Variants in CLSTN2 observed in about 807,000 individuals in gnomAD.
CLSTN2 encodes calsyntenin 2, also known as calsyntenin-2.
A neutral mutation model predicts 101.2 loss-of-function variants in CLSTN2; 48 were observed. That is an observed-to-expected ratio of 0.47 (90% confidence interval 0.38 to 0.60). The LOEUF (loss-of-function observed/expected upper bound fraction) is 0.60, where lower values mean the gene tolerates loss of function less well. Ranked by LOEUF, CLSTN2 falls within the 20% of genes least tolerant of loss-of-function variation. CLSTN2 has a pLI of 0.00. For missense variants in CLSTN2, 1,160 were observed against 1,238.2 expected, an observed-to-expected ratio of 0.94 and a Z score of 0.95; for synonymous variants, 481 against 463.6, an observed-to-expected ratio of 1.04 and a Z score of -0.48.
At chr3:139,987,260 A>G (rs993169520) in intron 1 of CLSTN2, among the ~76,000 whole-genome samples, 5 of 152,220 alleles carry the variant, frequency 3.3e-5, no homozygotes, top group Non-Finnish European at 5.9e-5. Context: ...CTTTTGCAGT[A>G]TGTGTCAAAT....
rs1046639367 is a variant in CLSTN2 at position 140,568,158 on chromosome 3, T to C, written c.*1905T>C. The C allele has an allele frequency of 9.8e-4, 149 of 152,374 alleles. No individual in the cohort carries two copies. The highest frequency in any genetic ancestry group is 3.6e-3 in the African/African-American group (148 of 41,584). The allele number at this position is 152,374 out of a possible 1,614,324, so 9.4% of individuals were successfully genotyped here. On this transcript the variant is annotated 3_prime_UTR_variant, in exon 17 of 17. Transcript: ENST00000458420. ...CTCCTGGTGCAGGATTCTACTTATG[T>C]TCATAGGTATGCACCTAACAGACAC...
At chr3:139,940,536 AT>A (rs5852958) in intron 1 of CLSTN2, among the ~76,000 whole-genome samples, 119,373 of 151,168 alleles carry the variant, frequency 0.79, 48,618 homozygotes, top group Non-Finnish European at 0.88. Flanking sequence ...GATTTGGTGA[AT>A]TTTTTTTTTT....
chr3:140,304,241 G>A (rs1462125266), intron 2 of CLSTN2, among the ~76,000 whole-genome samples: 1 of 152,104 alleles, frequency 6.6e-6, no homozygotes, highest in Admixed American at 6.6e-5. Flanking sequence ...TAAAATGCTG[G>A]GTTCAGTTAC....
chr3:140,318,717 T>C (rs995221101), intron 2 of CLSTN2, among the ~76,000 whole-genome samples: 2 of 152,196 alleles, frequency 1.3e-5, no homozygotes, highest in Admixed American at 1.3e-4. Flanking sequence ...AGGGTCCTTA[T>C]TGGAGCCACC....
chr3:139,989,513 G>A (rs1299115375), intron 1 of CLSTN2, among the ~76,000 whole-genome samples: 2 of 152,120 alleles, frequency 1.3e-5, no homozygotes, highest in African/African-American at 4.8e-5. Flanking sequence ...CCATCCTTCT[G>A]GGTGTTGCAG....
At chr3:140,533,492 G>A (rs1212181221) in intron 9 of CLSTN2, among the ~76,000 whole-genome samples, 7 of 152,012 alleles carry the variant, frequency 4.6e-5, no homozygotes, top group Admixed American at 3.3e-4. Context: ...GGCAGATCAC[G>A]AGGTCAGGAG....
chr3:140,095,546 C>T (rs1159688495), intron 1 of CLSTN2, among the ~76,000 whole-genome samples: 1 of 152,258 alleles, frequency 6.6e-6, no homozygotes, highest in Admixed American at 6.5e-5. Context: ...TACTCCACTT[C>T]TGATCACGTC....
intron 2 of CLSTN2, among the ~76,000 whole-genome samples, chr3:140,273,793 C>G (rs1010059149): frequency 6.6e-6 from 1 of 152,106 alleles, no homozygotes; most frequent in Non-Finnish European, 1.5e-5. Context: ...AAAGTTGAAT[C>G]CTAATAATTT....
chr3:140,165,462 A>G lies in CLSTN2; in HGVS notation c.110-10489A>G, dbSNP rs2107822318. On this transcript the variant is annotated intron_variant, in intron 1 of 16. Coordinates refer to ENST00000458420, the MANE Select transcript of CLSTN2 (RefSeq NM_022131.3). ...AAGGGGCCTCAGGGTTCTTCAGGAAATGGGAACAAGGAAAGATCCAATGGC... is the reference window on the plus strand; with the variant it reads ...AAGGGGCCTCAGGGTTCTTCAGGAAGTGGGAACAAGGAAAGATCCAATGGC... 1.3e-5 allele frequency among the ~76,000 whole-genome samples: 2 copies of G among 152,308 alleles called. 1 individual carries two copies. Among genetic ancestry groups the G allele is most frequent in the Middle Eastern group, 6.8e-3 (2 of 294 alleles).
chr3:140,029,652 C>T (rs1232786552), intron 1 of CLSTN2, among the ~76,000 whole-genome samples: 6 of 152,134 alleles, frequency 3.9e-5, no homozygotes, highest in Non-Finnish European at 7.3e-5. Flanking sequence ...AAGAAATGCA[C>T]AGAAACCAAA....
chr3:140,163,419 T>TAC (rs60464575), intron 1 of CLSTN2, among the ~76,000 whole-genome samples: 8,203 of 145,020 alleles, frequency 0.057, 245 homozygotes, highest in South Asian at 0.087. Context: ...TTTCTATCTC[T>TAC]ACACACACAC....
intron 2 of CLSTN2, among the ~76,000 whole-genome samples, chr3:140,365,059 A>C (rs2087770832): frequency 6.6e-6 from 1 of 152,194 alleles, no homozygotes; most frequent in African/African-American, 2.4e-5. Flanking sequence ...GAAGCAGGTG[A>C]TGTGCCAGCA....
At chr3:140,486,411 G>C (rs58645003) in intron 8 of CLSTN2, among the ~76,000 whole-genome samples, 9 of 152,144 alleles carry the variant, frequency 5.9e-5, no homozygotes, top group African/African-American at 2.2e-4. Flanking sequence ...TGTATTTAAG[G>C]GCAAAGGAAC....
chr3:140,027,367 A>C (rs568559545), intron 1 of CLSTN2, among the ~76,000 whole-genome samples: 72 of 152,318 alleles, frequency 4.7e-4, no homozygotes, highest in African/African-American at 1.7e-3. Context: ...ACACAGAGAC[A>C]CAAGGGAGAG....
intron 2 of CLSTN2, among the ~76,000 whole-genome samples, chr3:140,237,921 T>C (rs2107865050): frequency 6.6e-6 from 1 of 152,278 alleles, no homozygotes; most frequent in Non-Finnish European, 1.5e-5. Context: ...TAATTTGAAG[T>C]CATAATCTCA....
At chr3:140,123,836 GTA>G (rs1434154700) in intron 1 of CLSTN2, among the ~76,000 whole-genome samples, 1 of 84,528 alleles carries the variant, frequency 1.2e-5, no homozygotes, top group Non-Finnish European at 2.4e-5. Context: ...ATATATGTAT[GTA>G]TATGTGTGTG....
chr3:140,234,138 G>A (rs769435291), intron 2 of CLSTN2, among the ~76,000 whole-genome samples: 1 of 152,208 alleles, frequency 6.6e-6, no homozygotes, highest in African/African-American at 2.4e-5. Context: ...GGCATAACCC[G>A]AGAAAGGGTC....
intron 1 of CLSTN2, among the ~76,000 whole-genome samples, chr3:139,960,147 C>T (rs1458353099): frequency 1.3e-5 from 2 of 152,146 alleles, no homozygotes; most frequent in Non-Finnish European, 2.9e-5. Context: ...GTAGCATTTG[C>T]CAATTTCTTT....
At chr3:140,066,983 T>A (rs1210614009) in intron 1 of CLSTN2, among the ~76,000 whole-genome samples, 4 of 152,228 alleles carry the variant, frequency 2.6e-5, no homozygotes, top group Non-Finnish European at 5.9e-5. Flanking sequence ...ATAAGTGGAT[T>A]TCATCAATCT....
Sources: allele counts gnomAD v4.1 joint callset (sites outside exome capture counted in the v4.1 genomes callset), GRCh38; gene constraint gnomAD v4.1.1; transcripts MANE v1.5; gene names NCBI Gene and HGNC (gene_info 2026-07-23, HGNC 2026-07-21).